The following RBFOX1 variants were observed in gnomAD, a reference collection of about 807,000 sequenced individuals.
RBFOX1 encodes RNA binding fox-1 homolog 1, also known as RNA binding protein fox-1 homolog 1.
RBFOX1 carries 8 observed loss-of-function variants against 57.7 expected under a neutral mutation model. The observed-to-expected ratio is 0.14, with a 90% CI of 0.08 to 0.25. RBFOX1 has a LOEUF of 0.25. Ranked by LOEUF, RBFOX1 falls within the 10% of genes least tolerant of loss-of-function variation. RBFOX1 has a pLI of 1.00. For missense variants in RBFOX1, 611 were observed against 548.5 expected, an observed-to-expected ratio of 1.11 and a Z score of -1.14; for synonymous variants, 326 against 222.4, an observed-to-expected ratio of 1.47 and a Z score of -4.15.
chr16:6,775,379 C>T (rs1384050404), intron 3 of RBFOX1, among the ~76,000 whole-genome samples: 10 of 145,024 alleles, frequency 6.9e-5, no homozygotes, highest in Admixed American at 1.4e-4. Flanking sequence ...CAAACAGACA[C>T]ACCCAACTGT....
intron 3 of RBFOX1, among the ~76,000 whole-genome samples, chr16:6,806,802 A>G (rs2154262475): frequency 9.7e-6 from 1 of 102,608 alleles, no homozygotes; most frequent in South Asian, 2.9e-4. Context: ...ATTTATATAT[A>G]TAAATAAATA....
At chr16:5,353,090 C>T (rs1325718155) in intron 1 of RBFOX1, among the ~76,000 whole-genome samples, 3 of 151,990 alleles carry the variant, frequency 2.0e-5, no homozygotes, top group Non-Finnish European at 2.9e-5. Context: ...CTTCTTTGTT[C>T]AGGCTGGGTG....
chr16:5,622,787 G>T (rs1389880441), intron 3 of RBFOX1, among the ~76,000 whole-genome samples: 1 of 152,138 alleles, frequency 6.6e-6, no homozygotes, highest in African/African-American at 2.4e-5. Flanking sequence ...CCATATCTGG[G>T]GGTTTTGCAT....
At chr16:7,682,806 A>C (rs1202674635) in intron 14 of RBFOX1, among the ~76,000 whole-genome samples, 1 of 150,058 alleles carries the variant, frequency 6.7e-6, no homozygotes, top group East Asian at 2.0e-4. Context: ...GTTCATTTAA[A>C]GTTTACTTTC....
intron 2 of RBFOX1, among the ~76,000 whole-genome samples, chr16:6,538,183 A>G (rs1028436884): frequency 1.3e-5 from 2 of 152,196 alleles, no homozygotes; most frequent in Non-Finnish European, 1.5e-5. Context: ...GCTCAACACC[A>G]TTAGTCATTA....
intron 3 of RBFOX1, among the ~76,000 whole-genome samples, chr16:6,748,582 C>G (rs566340261): frequency 2.0e-4 from 30 of 152,064 alleles, no homozygotes; most frequent in Non-Finnish European, 3.7e-4. Context: ...TCTCTTGAGC[C>G]CAGAAGTTCG....
chr16:7,202,737 A>T (rs2152731994), intron 4 of RBFOX1, among the ~76,000 whole-genome samples: 1 of 152,306 alleles, frequency 6.6e-6, no homozygotes, highest in South Asian at 2.1e-4. Flanking sequence ...TGCACTTCTT[A>T]TGAGAATCTA....
intron 4 of RBFOX1, among the ~76,000 whole-genome samples, chr16:7,318,426 G>C (rs1490730594): frequency 1.3e-5 from 2 of 152,112 alleles, no homozygotes; most frequent in African/African-American, 2.4e-5. Flanking sequence ...TGGTAGAATA[G>C]TTTCACACAT....
intron 3 of RBFOX1, among the ~76,000 whole-genome samples, chr16:6,758,289 T>A (rs1403743823): frequency 6.6e-6 from 1 of 152,024 alleles, no homozygotes; most frequent in Admixed American, 6.6e-5. Flanking sequence ...GATAATTTAG[T>A]GTAAAATGTC....
At chr16:6,646,336 A>G (rs948496764) in intron 2 of RBFOX1, among the ~76,000 whole-genome samples, 1 of 152,220 alleles carries the variant, frequency 6.6e-6, no homozygotes, top group Non-Finnish European at 1.5e-5. Flanking sequence ...TCTGCAGCAG[A>G]TGACAAACTA....
intron 4 of RBFOX1, among the ~76,000 whole-genome samples, chr16:7,358,573 A>G (rs1026092346): frequency 5.3e-5 from 8 of 152,100 alleles, no homozygotes; most frequent in Non-Finnish European, 1.0e-4. Context: ...GGAGTCTGCC[A>G]TCATGCTAGC....
chr16:7,429,037 T>A (rs912182411), intron 4 of RBFOX1, among the ~76,000 whole-genome samples: 8 of 152,168 alleles, frequency 5.3e-5, no homozygotes, highest in Non-Finnish European at 1.0e-4. Context: ...ACGTCCACAC[T>A]GGTGGAAAGG....
intron 5 of RBFOX1, among the ~76,000 whole-genome samples, chr16:7,519,943 T>C (rs2077172410): frequency 6.6e-6 from 1 of 152,210 alleles, no homozygotes; most frequent in Non-Finnish European, 1.5e-5. Flanking sequence ...TGGAGTGCGG[T>C]GGCGCGATCT....
At chr16:6,506,793 C>A (rs911961189) in intron 2 of RBFOX1, among the ~76,000 whole-genome samples, 1 of 151,934 alleles carries the variant, frequency 6.6e-6, no homozygotes, top group East Asian at 1.9e-4. Flanking sequence ...ATTACAGGCA[C>A]CAACCACCAT....
In RBFOX1 at chr16:7,302,746, T is replaced by C. The variant is rs868098534; in HGVS notation, c.28-215401T>C. Among the ~76,000 whole-genome samples the C allele has an allele frequency of 3.8e-4, 28 of 74,044 alleles. No homozygotes were observed. In the South Asian group the frequency reaches 0.013, roughly 35 times the overall value. The allele number at this position is 74,044 out of a possible 152,430, so 48.6% of individuals were successfully genotyped here. The stretch of plus-strand genomic sequence containing the variant: ...TGCCAAGAATGCAAGAATGTGCTTT[T>C]TTTTTTTTTTCCTGTCAGGACCAAG... On this transcript the variant is annotated intron_variant, in intron 4 of 15. Transcript: ENST00000550418.
chr16:7,320,241 C>G (rs977170305), intron 4 of RBFOX1, among the ~76,000 whole-genome samples: 2 of 152,038 alleles, frequency 1.3e-5, no homozygotes, highest in African/African-American at 4.8e-5. Flanking sequence ...CCCACCACCC[C>G]CTACAGGCCC....
intron 1 of RBFOX1, among the ~76,000 whole-genome samples, chr16:6,236,670 C>G (rs117759937): frequency 6.6e-6 from 1 of 151,970 alleles, no homozygotes; most frequent in Non-Finnish European, 1.5e-5. Flanking sequence ...AGGCTGGTCT[C>G]AAACTCCTGA....
rs116812588 is a variant in RBFOX1 at position 6,917,160 on chromosome 16, T to C, written c.-15-134897T>C. On this transcript the variant is annotated intron_variant, in intron 3 of 15. Transcript: ENST00000550418. The stretch of plus-strand genomic sequence containing the variant: ...GCCACTGTACCCAGCCTGCAAATGA[T>C]TTTGTCCACAGAGCAGACTGAGTTT... Among the ~76,000 whole-genome samples, 1,466 of 152,214 alleles carry C rather than the reference T, an allele frequency of 9.6e-3. 23 individuals are homozygous for C. The highest frequency in any genetic ancestry group is 0.033 in the African/African-American group (1,383 of 41,544).
At chr16:5,353,958 A>G (rs913068465) in intron 1 of RBFOX1, among the ~76,000 whole-genome samples, 1 of 152,118 alleles carries the variant, frequency 6.6e-6, no homozygotes, top group African/African-American at 2.4e-5. Flanking sequence ...GTTGAAACCA[A>G]GCAGGATGAA....
Sources: allele counts gnomAD v4.1 joint callset (sites outside exome capture counted in the v4.1 genomes callset), GRCh38; gene constraint gnomAD v4.1.1; transcripts MANE v1.5; gene names NCBI Gene and HGNC (gene_info 2026-07-23, HGNC 2026-07-21).